Variants in COL25A1 observed in about 807,000 individuals in gnomAD.
COL25A1 encodes collagen alpha-1(XXV) chain.
A neutral mutation model predicts 128.4 loss-of-function variants in COL25A1; 103 were observed. The observed-to-expected ratio is 0.80, with a 90% CI of 0.68 to 0.94. The LOEUF (loss-of-function observed/expected upper bound fraction) is 0.94. COL25A1 is among the 40% of genes least tolerant of loss of function. The pLI, the probability that COL25A1 is intolerant of heterozygous loss-of-function variation, is 0.00. For synonymous variants in COL25A1, 279 were observed against 277.2 expected, an observed-to-expected ratio of 1.01 and a Z score of -0.06; for missense variants, 745 against 840.0, an observed-to-expected ratio of 0.89 and a Z score of 1.40.
At chr4:108,917,604 G>A (rs986901) in intron 13 of COL25A1, among the ~76,000 whole-genome samples, 15,269 of 152,200 alleles carry the variant, frequency 0.1, 984 homozygotes, top group Non-Finnish European at 0.15. Context: ...ATAGATATGT[G>A]TATGTAGACT....
chr4:108,819,974 G>C, intron 35 of COL25A1: 3 of 683,776 alleles, frequency 4.4e-6, no homozygotes, highest in Non-Finnish European at 6.2e-6. Flanking sequence ...GATGGTTTAG[G>C]TAAGAAAATT....
chr4:108,969,733 C>T (rs1431074552), intron 8 of COL25A1, among the ~76,000 whole-genome samples: 4 of 152,180 alleles, frequency 2.6e-5, no homozygotes, highest in Non-Finnish European at 5.9e-5. Context: ...GCTAAGTCAG[C>T]TCATCCGTTC....
At chr4:109,054,543 G>A (rs1242337271) in intron 3 of COL25A1, among the ~76,000 whole-genome samples, 1 of 152,120 alleles carries the variant, frequency 6.6e-6, no homozygotes, top group Non-Finnish European at 1.5e-5. Flanking sequence ...AACATAGTAA[G>A]AATTCTAAAA....
chr4:108,901,026 G>A (rs1367748238), intron 14 of COL25A1, 93 bp downstream of exon 14: 5 of 972,878 alleles, frequency 5.1e-6, no homozygotes, highest in Non-Finnish European at 8.2e-6. Context: ...AAGTGCAACT[G>A]GTGAGATTGT....
chr4:108,933,909 G>A (rs191688097), intron 11 of COL25A1, among the ~76,000 whole-genome samples: 1 of 151,674 alleles, frequency 6.6e-6, no homozygotes, highest in East Asian at 1.9e-4. Flanking sequence ...AAGTTTCTAA[G>A]AAAAATTTCC....
chr4:109,135,024 CA>C (rs574984369), intron 3 of COL25A1, among the ~76,000 whole-genome samples: 3,096 of 100,642 alleles, frequency 0.031, 65 homozygotes, highest in South Asian at 0.095. Context: ...ACTTTTCTGT[CA>C]AAAAAAAAAA....
intron 6 of COL25A1, among the ~76,000 whole-genome samples, chr4:108,992,980 T>C (rs923626266): frequency 3.9e-5 from 6 of 152,232 alleles, no homozygotes; most frequent in African/African-American, 1.4e-4. Context: ...CATTGTAGAA[T>C]GACCAAGTCT....
chr4:109,199,562 A>T (rs1339331987), intron 3 of COL25A1, among the ~76,000 whole-genome samples: 1 of 152,150 alleles, frequency 6.6e-6, no homozygotes, highest in Non-Finnish European at 1.5e-5. Context: ...GAAAAAAAAA[A>T]CTAATGCCTT....
chr4:109,081,563 A>G (rs1763835761), intron 3 of COL25A1, among the ~76,000 whole-genome samples: 1 of 152,190 alleles, frequency 6.6e-6, no homozygotes, highest in Admixed American at 6.5e-5. Flanking sequence ...ATATTCATAG[A>G]TATGTGCAAC....
At chr4:109,240,115 T>G (rs1779791725) in intron 3 of COL25A1, among the ~76,000 whole-genome samples, 1 of 152,130 alleles carries the variant, frequency 6.6e-6, no homozygotes, top group Admixed American at 6.6e-5. Flanking sequence ...CAGTTAAATT[T>G]TTTTTAATAA....
At chr4:108,863,537 A>G in intron 20 of COL25A1, 150 bp from the exon 21 acceptor site, 1 of 599,026 alleles carries the variant, frequency 1.7e-6, no homozygotes, top group Non-Finnish European at 2.8e-6. Flanking sequence ...TCTTAACATG[A>G]ATTATCTCAT....
At chr4:108,822,424 G>A (rs1010490640) in intron 35 of COL25A1, among the ~76,000 whole-genome samples, 1 of 151,998 alleles carries the variant, frequency 6.6e-6, no homozygotes, top group Non-Finnish European at 1.5e-5. Flanking sequence ...ATATGTTTTT[G>A]AGTTTTTTTA....
intron 3 of COL25A1, among the ~76,000 whole-genome samples, chr4:109,148,586 G>A (rs899271289): frequency 1.3e-5 from 2 of 152,162 alleles, no homozygotes; most frequent in Non-Finnish European, 2.9e-5. Context: ...TATTCCAGGA[G>A]CTGATCACCT....
intron 6 of COL25A1, among the ~76,000 whole-genome samples, chr4:108,996,637 C>G (rs1416167704): frequency 1.3e-5 from 2 of 152,206 alleles, no homozygotes; most frequent in East Asian, 3.8e-4. Flanking sequence ...AGAAAGACAT[C>G]TACAGAACTC....
chr4:108,886,419 C>T (rs1006176840), intron 18 of COL25A1, among the ~76,000 whole-genome samples: 1 of 148,246 alleles, frequency 6.7e-6, no homozygotes, highest in Non-Finnish European at 1.5e-5. Flanking sequence ...AATTTATAAA[C>T]TTTCTTAAAG....
chr4:109,205,392 G>T (rs1335149481), intron 3 of COL25A1, among the ~76,000 whole-genome samples: 1 of 152,132 alleles, frequency 6.6e-6, no homozygotes, highest in Non-Finnish European at 1.5e-5. Flanking sequence ...CCTGAAGCTG[G>T]ATGCGGACAC....
intron 8 of COL25A1, among the ~76,000 whole-genome samples, chr4:108,946,275 T>C (rs1030062656): frequency 5.9e-5 from 9 of 152,176 alleles, no homozygotes; most frequent in African/African-American, 1.9e-4. Context: ...TCCAACTACT[T>C]AGAGGCCATA....
chr4:109,164,618 A>G lies in COL25A1; in HGVS notation c.368-114439T>C, dbSNP rs369175204. Among the ~76,000 whole-genome samples the G allele has an allele frequency of 4.6e-5, 7 of 152,292 alleles. 1 individual carries two copies. The highest frequency in any genetic ancestry group is 1.7e-4 in the African/African-American group (7 of 41,564). On this transcript the variant is annotated intron_variant, in intron 3 of 37. Coordinates refer to ENST00000399132, the MANE Select transcript of COL25A1 (RefSeq NM_198721.4). Reference sequence around the variant, plus strand: ...GTTAGCAACATTCATTTAATCATTTACTTGATAAGAATCATTTATCTCGTG... The same window carrying G: ...GTTAGCAACATTCATTTAATCATTTGCTTGATAAGAATCATTTATCTCGTG...
chr4:109,193,419 CT>C (rs1364683368), intron 3 of COL25A1, among the ~76,000 whole-genome samples: 1 of 151,954 alleles, frequency 6.6e-6, no homozygotes, highest in African/African-American at 2.4e-5. Flanking sequence ...TTGATAGAGG[CT>C]GAAGATGAGG....
Sources: gnomAD v4.1 joint callset for allele counts (sites outside exome capture counted in the v4.1 genomes callset) on GRCh38, gnomAD v4.1.1 for gene constraint, MANE v1.5 for transcripts, NCBI Gene and HGNC (gene_info 2026-07-23, HGNC 2026-07-21) for gene names.